LMAN2L: variants seen among roughly 807,000 people sequenced by gnomAD.
The protein encoded by LMAN2L is lectin, mannose binding 2 like, also known as VIP36-like protein.
Under a neutral mutation model 44.3 loss-of-function variants are expected in LMAN2L, and 30 were observed. That is an observed-to-expected ratio of 0.68 (90% confidence interval 0.51 to 0.92). The LOEUF is 0.92. Ranked by LOEUF, LMAN2L falls within the 40% of genes least tolerant of loss-of-function variation. The pLI, the probability that LMAN2L is intolerant of heterozygous loss-of-function variation, is 0.00. For synonymous variants in LMAN2L, 183 were observed against 171.1 expected (o/e 1.07, Z -0.54); for missense variants, 429 against 446.1 (o/e 0.96, Z 0.35).
intron 4 of LMAN2L, chr2:96,713,011 G>C: frequency 9.9e-7 from 1 of 1,012,104 alleles, no homozygotes; most frequent in Non-Finnish European, 1.5e-6. Context: ...AGAGACCGGG[G>C]ACTCCTGAGA....
At chr2:96,713,772 C>T (rs1485168438) in intron 4 of LMAN2L, among the ~76,000 whole-genome samples, 2 of 152,220 alleles carry the variant, frequency 1.3e-5, no homozygotes, top group East Asian at 3.8e-4. Context: ...TTCTAACCTA[C>T]CACACATAGG....
chr2:96,732,787 C>T (rs971317934), intron 4 of LMAN2L, among the ~76,000 whole-genome samples: 1 of 147,756 alleles, frequency 6.8e-6, no homozygotes, highest in African/African-American at 2.5e-5. Context: ...CCTTTTCTTT[C>T]TTTCTTTTTT....
intron 6 of LMAN2L, among the ~76,000 whole-genome samples, chr2:96,710,361 T>C (rs1164247416): frequency 6.6e-6 from 1 of 152,198 alleles, no homozygotes; most frequent in African/African-American, 2.4e-5. Context: ...GATCAGCAGA[T>C]TGCATTTTAA....
intron 2 of LMAN2L, 119 bp from the exon 3 acceptor site, chr2:96,734,645 A>G: frequency 1.5e-6 from 1 of 681,554 alleles, no homozygotes; most frequent in Admixed American, 2.3e-5. Flanking sequence ...ACTAAGGGTT[A>G]AAACTTAAAT....
At chr2:96,708,908 C>CG (rs2077847497) in intron 6 of LMAN2L, among the ~76,000 whole-genome samples, 1 of 89,248 alleles carries the variant, frequency 1.1e-5, no homozygotes, top group Admixed American at 1.3e-4. Context: ...TGAAGTTAGA[C>CG]TTTTTTTTTT....
chr2:96,710,128 G>A (rs1324611660), intron 6 of LMAN2L, among the ~76,000 whole-genome samples: 2 of 152,198 alleles, frequency 1.3e-5, no homozygotes, highest in Non-Finnish European at 2.9e-5. Context: ...CTGCATGACA[G>A]AAAGCAGATC....
At chr2:96,719,863 G>A (rs956695394) in intron 4 of LMAN2L, among the ~76,000 whole-genome samples, 22 of 152,098 alleles carry the variant, frequency 1.4e-4, no homozygotes, top group African/African-American at 5.3e-4. Flanking sequence ...CACTGCACCT[G>A]GCCAAAAAAA....
chr2:96,737,883 G>A lies in LMAN2L; in HGVS notation c.306+66C>T. On this transcript the variant is annotated intron_variant, in intron 2 of 7. Coordinates refer to ENST00000264963, the MANE Select transcript of LMAN2L (RefSeq NM_030805.4). ...GGGGATAGACAGTAAAATTAAATCA[G>A]TATGCCACTGCTGAACTTTTTAGGC... 3.4e-6 allele frequency: 3 copies of A among 883,652 alleles called. No individual in the cohort carries two copies. The South Asian group carries it at 4.1e-5, about 12-fold the overall frequency. The allele number at this position is 883,652 out of a possible 1,614,324, so 54.7% of individuals were successfully genotyped here. A position where few individuals can be genotyped will look rare whatever the true frequency, so the allele number is the denominator to read the frequency against.
chr2:96,718,435 T>C (rs1403474526), intron 4 of LMAN2L, among the ~76,000 whole-genome samples: 4 of 152,222 alleles, frequency 2.6e-5, no homozygotes, highest in Non-Finnish European at 4.4e-5. Context: ...ATGTCTTTGT[T>C]TTTAAAGATG....
In LMAN2L at chr2:96,711,726, A is replaced by G. The variant is rs1423688239; in HGVS notation, c.714T>C (p.Ile238=). The G allele has an allele frequency of 1.2e-6, 2 of 1,614,184 alleles. No homozygotes were observed. The highest frequency in any genetic ancestry group is 1.7e-6 in the Non-Finnish European group (2 of 1,180,020). ...GGGGCAGGCGGACTCCGGGCACTTC[A>G]ATGCAGTCCCTCCACTCATGCTTGC... ...IDGKHEWRDC[I]EVPGVRLPRG... is the part of the protein sequence containing the mutation. Residue 238 remains isoleucine (I), a synonymous_variant, in exon 6 of 8, where the codon ATT becomes ATC. Transcript: ENST00000264963.
At chr2:96,730,695 T>C (rs987135568) in intron 4 of LMAN2L, among the ~76,000 whole-genome samples, 1 of 151,754 alleles carries the variant, frequency 6.6e-6, no homozygotes, top group Admixed American at 6.6e-5. Context: ...TTTTTTGAGA[T>C]GGAGTTTCAC....
intron 6 of LMAN2L, among the ~76,000 whole-genome samples, chr2:96,709,309 C>T (rs1381478708): frequency 1.3e-5 from 2 of 152,138 alleles, no homozygotes; most frequent in African/African-American, 4.8e-5. Context: ...TTTACATAAA[C>T]CCAGAAGTTT....
intron 4 of LMAN2L, among the ~76,000 whole-genome samples, chr2:96,727,452 C>T (rs982403858): frequency 6.6e-6 from 1 of 151,926 alleles, no homozygotes; most frequent in African/African-American, 2.4e-5. Context: ...GGCAACATGG[C>T]GGAACCCTGT....
At chr2:96,736,988 CTAA>C (rs2078529809) in intron 2 of LMAN2L, 1 of 345,696 alleles carries the variant, frequency 2.9e-6, no homozygotes, top group Non-Finnish European at 5.5e-6. Context: ...TTATCTACAA[CTAA>C]TGAGAAAAGC....
chr2:96,721,487 T>C (rs928206637), intron 4 of LMAN2L, among the ~76,000 whole-genome samples: 2 of 151,836 alleles, frequency 1.3e-5, no homozygotes, highest in African/African-American at 4.8e-5. Flanking sequence ...TGTAAGCCAC[T>C]GTGCCTGGCA....
chr2:96,739,352 G>A (rs2078585722), intron 1 of LMAN2L, among the ~76,000 whole-genome samples: 1 of 152,188 alleles, frequency 6.6e-6, no homozygotes, highest in Non-Finnish European at 1.5e-5. Flanking sequence ...CTGATAAGCT[G>A]TGCTTAGAGT....
chr2:96,721,479 T>C (rs2078154289), intron 4 of LMAN2L, among the ~76,000 whole-genome samples: 1 of 151,766 alleles, frequency 6.6e-6, no homozygotes, highest in South Asian at 2.1e-4. Flanking sequence ...ATTACAAGTG[T>C]AAGCCACTGT....
intron 6 of LMAN2L, among the ~76,000 whole-genome samples, chr2:96,708,859 ACTC>A: frequency 6.8e-6 from 1 of 147,678 alleles, no homozygotes; most frequent in African/African-American, 2.5e-5. Context: ...ATCATTATAA[ACTC>A]CTACATTTAA....
chr2:96,737,899 CT>C, intron 2 of LMAN2L, 49 bp downstream of exon 2: 3 of 1,190,068 alleles, frequency 2.5e-6, no homozygotes, highest in Non-Finnish European at 2.5e-6. Flanking sequence ...CACTGCTGAA[CT>C]TTTTAGGCCT....
Sources: allele counts gnomAD v4.1 joint callset (sites outside exome capture counted in the v4.1 genomes callset), GRCh38; gene constraint gnomAD v4.1.1; transcripts MANE v1.5; gene names NCBI Gene and HGNC (gene_info 2026-07-23, HGNC 2026-07-21).